Variants in PPM1L observed in about 807,000 individuals in gnomAD.
PPM1L encodes protein phosphatase 1L.
Under a neutral mutation model 31.4 loss-of-function variants are expected in PPM1L, and 13 were observed. The observed-to-expected ratio is 0.41, with a 90% CI of 0.27 to 0.66. The LOEUF (loss-of-function observed/expected upper bound fraction) is 0.66, where lower values mean the gene tolerates loss of function less well. PPM1L is among the 30% of genes least tolerant of loss of function. The pLI is 0.29. For missense variants in PPM1L, 326 were observed against 453.7 expected, an observed-to-expected ratio of 0.72 and a Z score of 2.56; for synonymous variants, 184 against 175.4, an observed-to-expected ratio of 1.05 and a Z score of -0.39.
chr3:160,950,292 G>T (rs533818683), intron 1 of PPM1L, among the ~76,000 whole-genome samples: 2 of 152,186 alleles, frequency 1.3e-5, no homozygotes, highest in Admixed American at 6.5e-5. Context: ...CCTTTTGGTA[G>T]GTGAAGAGCT....
chr3:161,027,331 G>T lies in PPM1L; in HGVS notation c.575-38072G>T, dbSNP rs546556811. On this transcript the variant is annotated intron_variant, in intron 2 of 3. Transcript: ENST00000498165. ...TAGGAGCAGCAGTCAGCATCACCTG[G>T]TGTATTAGTCCATTTTCACACTGCT... is the stretch of plus-strand genomic sequence containing the variant. Among the ~76,000 whole-genome samples the T allele has an allele frequency of 4.6e-5, 7 of 152,232 alleles. No individual in the cohort carries two copies. In the East Asian group the frequency reaches 1.4e-3, roughly 29 times the overall value.
intron 1 of PPM1L, among the ~76,000 whole-genome samples, chr3:160,812,902 A>G (rs1712853184): frequency 6.6e-6 from 1 of 152,222 alleles, no homozygotes; most frequent in Non-Finnish European, 1.5e-5. Flanking sequence ...TGCCAACCTT[A>G]TAATAAAGTA....
intron 1 of PPM1L, among the ~76,000 whole-genome samples, chr3:160,818,204 A>G (rs1337697664): frequency 1.3e-5 from 2 of 152,020 alleles, no homozygotes; most frequent in African/African-American, 4.8e-5. Context: ...CTTCAAGAGC[A>G]GTATCGAACA....
intron 2 of PPM1L, among the ~76,000 whole-genome samples, chr3:161,038,585 TAAAAAAA>T (rs35502476): frequency 0.013 from 1,468 of 110,614 alleles, 38 homozygotes; most frequent in African/African-American, 0.035. Flanking sequence ...GGATTTGTTT[TAAAAAAA>T]AAAAAAAAAA....
chr3:160,914,919 G>A (rs1402993877), intron 1 of PPM1L, among the ~76,000 whole-genome samples: 2 of 152,084 alleles, frequency 1.3e-5, no homozygotes, highest in African/African-American at 2.4e-5. Context: ...GTGTAAAAGT[G>A]TTCCTATTTC....
chr3:160,919,540 C>T (rs908523581), intron 1 of PPM1L, among the ~76,000 whole-genome samples: 1 of 152,128 alleles, frequency 6.6e-6, no homozygotes, highest in Non-Finnish European at 1.5e-5. Context: ...CGAGAGAGGA[C>T]GTCTGTTGCA....
chr3:160,915,474 G>A lies in PPM1L; in HGVS notation c.400-46262G>A, dbSNP rs531403944. ...AGGAAGAATCAGTATCATGAAAATG[G>A]CCATACTACCCAAGGTAATTTATAG... On this transcript the variant is annotated intron_variant, in intron 1 of 3. Transcript: ENST00000498165. Among the ~76,000 whole-genome samples, 11 of 109,712 alleles carry A rather than the reference G, an allele frequency of 1.0e-4. No individual in the cohort carries two copies. In the East Asian group the frequency reaches 3.9e-3, roughly 39 times the overall value. 72.0% of individuals were successfully genotyped at this position (109,712 alleles called of 152,430 possible). A position where few individuals can be genotyped will look rare whatever the true frequency, so the allele number is the denominator to read the frequency against.
chr3:160,804,887 T>A (rs1384619131), intron 1 of PPM1L, among the ~76,000 whole-genome samples: 1 of 152,236 alleles, frequency 6.6e-6, no homozygotes, highest in East Asian at 1.9e-4. Flanking sequence ...TGATGACTGA[T>A]CATCACATGT....
chr3:160,981,781 G>A (rs1716809291), intron 2 of PPM1L, among the ~76,000 whole-genome samples: 1 of 84,740 alleles, frequency 1.2e-5, no homozygotes, highest in Non-Finnish European at 2.9e-5. Context: ...TATTTTTATT[G>A]AGATGGAGTC....
chr3:160,825,649 G>A (rs1006970870), intron 1 of PPM1L, among the ~76,000 whole-genome samples: 5 of 152,106 alleles, frequency 3.3e-5, no homozygotes, highest in African/African-American at 1.2e-4. Context: ...TTGCCTGGCG[G>A]TGCTGATTAA....
intron 1 of PPM1L, among the ~76,000 whole-genome samples, chr3:160,903,164 A>AGTGTGTGTGTGTGTGTGT (rs60731351): frequency 3.3e-4 from 35 of 106,582 alleles, no homozygotes; most frequent in African/African-American, 1.0e-3. Flanking sequence ...TAGAAGCAAT[A>AGTGTGTGTGTGTGTGTGT]GTGTGTGTGT....
intron 2 of PPM1L, among the ~76,000 whole-genome samples, chr3:161,003,405 G>A (rs944769292): frequency 3.5e-4 from 53 of 151,938 alleles, no homozygotes; most frequent in East Asian, 2.1e-3. Context: ...TGGGGATGGC[G>A]TTGAATCTAT....
chr3:160,872,850 C>T lies in PPM1L; in HGVS notation c.400-88886C>T, dbSNP rs180869656. 8.6e-4 allele frequency among the ~76,000 whole-genome samples: 131 copies of T among 152,222 alleles called. 1 individual carries two copies. In the South Asian group the frequency reaches 0.017, roughly 19 times the overall value. On this transcript the variant is annotated intron_variant, in intron 1 of 3. Coordinates refer to ENST00000498165, the MANE Select transcript of PPM1L (RefSeq NM_139245.4). The stretch of plus-strand genomic sequence containing the variant: ...TCTGGGACAGGAGAATCGCTTGAAC[C>T]CCGGAGGCAGAGCTTGCAGTGAGCC...
chr3:160,794,643 A>G (rs187701821), intron 1 of PPM1L, among the ~76,000 whole-genome samples: 200 of 152,264 alleles, frequency 1.3e-3, no homozygotes, highest in Non-Finnish European at 2.2e-3. Context: ...AATCCAAACA[A>G]CGCCCTCTGA....
At chr3:160,845,706 A>G (rs1714055895) in intron 1 of PPM1L, among the ~76,000 whole-genome samples, 1 of 152,030 alleles carries the variant, frequency 6.6e-6, no homozygotes, top group Non-Finnish European at 1.5e-5. Context: ...CCTTCTAAAA[A>G]TTATATAGGT....
At chr3:161,021,964 CTT>C (rs1219695640) in intron 2 of PPM1L, among the ~76,000 whole-genome samples, 5 of 151,818 alleles carry the variant, frequency 3.3e-5, no homozygotes, top group Admixed American at 2.6e-4. Context: ...TAATCTCTGC[CTT>C]TTTATTAGAA....
chr3:160,941,451 G>A lies in PPM1L; in HGVS notation c.400-20285G>A, dbSNP rs141292426. ...TCCCATGTGTTGTGAGAGGGACCCCGCAGAGGTAATTGAATCATGGGGGCC... is the reference window on the plus strand; with the variant it reads ...TCCCATGTGTTGTGAGAGGGACCCCACAGAGGTAATTGAATCATGGGGGCC... On this transcript the variant is annotated intron_variant, in intron 1 of 3. Transcript: ENST00000498165. Among the ~76,000 whole-genome samples, 173 of 152,248 alleles carry A rather than the reference G, an allele frequency of 1.1e-3. 1 individual carries two copies. Among genetic ancestry groups the A allele is most frequent in the South Asian group, 9.1e-3 (44 of 4,822 alleles).
chr3:161,063,997 C>T (rs1254703346), intron 2 of PPM1L, among the ~76,000 whole-genome samples: 2 of 151,950 alleles, frequency 1.3e-5, no homozygotes, highest in Non-Finnish European at 2.9e-5. Flanking sequence ...GGGAGGGGAA[C>T]ATCACACACC....
chr3:160,874,086 G>T (rs1054076026), intron 1 of PPM1L, among the ~76,000 whole-genome samples: 2 of 152,118 alleles, frequency 1.3e-5, no homozygotes, highest in African/African-American at 4.8e-5. Context: ...TTGTTATGTG[G>T]GGTTTTGTGG....
Sources: allele counts gnomAD v4.1 joint callset (sites outside exome capture counted in the v4.1 genomes callset), GRCh38; gene constraint gnomAD v4.1.1; transcripts MANE v1.5; gene names NCBI Gene and HGNC (gene_info 2026-07-23, HGNC 2026-07-21).